ARHGAP28: variants seen among roughly 807,000 people sequenced by gnomAD.
ARHGAP28 encodes Rho GTPase activating protein 28, also known as rho GTPase-activating protein 28.
In ARHGAP28, 56 loss-of-function variants were observed where a neutral mutation model predicts 90.7. The observed-to-expected ratio is 0.62, with a 90% CI of 0.50 to 0.77. ARHGAP28 has a LOEUF of 0.77. ARHGAP28 is among the 30% of genes least tolerant of loss of function. ARHGAP28 has a pLI of 0.00. For missense variants in ARHGAP28, 869 were observed against 900.9 expected (o/e 0.96, Z 0.45); for synonymous variants, 308 against 323.3 (o/e 0.95, Z 0.51).
At chr18:6,851,668 A>G (rs1383583367) in intron 4 of ARHGAP28, among the ~76,000 whole-genome samples, 1 of 152,190 alleles carries the variant, frequency 6.6e-6, no homozygotes, top group Non-Finnish European at 1.5e-5. Flanking sequence ...TTGCAGGTAA[A>G]TGGATAAAAA....
At chr18:6,826,035 G>C (rs987820020) in intron 2 of ARHGAP28, among the ~76,000 whole-genome samples, 3 of 151,664 alleles carry the variant, frequency 2.0e-5, no homozygotes, top group African/African-American at 7.3e-5. Context: ...TCTCCAAGCT[G>C]CTTTCCACAG....
At chr18:6,821,464 T>A (rs189632381) in intron 1 of ARHGAP28, among the ~76,000 whole-genome samples, 1 of 152,292 alleles carries the variant, frequency 6.6e-6, no homozygotes, top group African/African-American at 2.4e-5. Context: ...TCTCCTAATA[T>A]GGTGAGGTAT....
intron 1 of ARHGAP28, among the ~76,000 whole-genome samples, chr18:6,795,675 C>G (rs2056436802): frequency 6.6e-6 from 1 of 152,158 alleles, no homozygotes; most frequent in Non-Finnish European, 1.5e-5. Context: ...TAGCCCGCAG[C>G]AGAAAGCCTG....
intron 10 of ARHGAP28, among the ~76,000 whole-genome samples, chr18:6,880,881 T>C (rs1185383673): frequency 1.3e-5 from 2 of 152,244 alleles, no homozygotes; most frequent in African/African-American, 2.4e-5. Flanking sequence ...AGAATGGATC[T>C]CATGCATCCT....
At chr18:6,780,586 A>G (rs1348361839) in intron 1 of ARHGAP28, among the ~76,000 whole-genome samples, 1 of 152,012 alleles carries the variant, frequency 6.6e-6, no homozygotes, top group Non-Finnish European at 1.5e-5. Flanking sequence ...ATGGAGGCTG[A>G]GAAAAAAAAT....
At chr18:6,826,958 A>G (rs1318109890) in intron 2 of ARHGAP28, among the ~76,000 whole-genome samples, 1 of 152,118 alleles carries the variant, frequency 6.6e-6, no homozygotes, top group Non-Finnish European at 1.5e-5. Context: ...AATCCATTTA[A>G]CCATGAGTGG....
intron 1 of ARHGAP28, among the ~76,000 whole-genome samples, chr18:6,812,394 C>T (rs979485532): frequency 6.6e-6 from 1 of 152,110 alleles, no homozygotes; most frequent in Non-Finnish European, 1.5e-5. Context: ...TGAATGAAAG[C>T]TCAACAGATT....
At chr18:6,886,724 G>A (rs570288764) in intron 11 of ARHGAP28, among the ~76,000 whole-genome samples, 7 of 152,270 alleles carry the variant, frequency 4.6e-5, no homozygotes, top group South Asian at 4.1e-4. Context: ...GTCACACAGC[G>A]ACTAAATAGT....
intron 3 of ARHGAP28, among the ~76,000 whole-genome samples, chr18:6,840,809 C>T (rs923751852): frequency 1.3e-5 from 2 of 152,076 alleles, no homozygotes; most frequent in South Asian, 4.1e-4. Context: ...TGGAAAATAG[C>T]GCAGTCAGTG....
At chr18:6,749,902 T>C (rs2056055291) in intron 1 of ARHGAP28, among the ~76,000 whole-genome samples, 1 of 152,172 alleles carries the variant, frequency 6.6e-6, no homozygotes, top group South Asian at 2.1e-4. Context: ...GCTTCAAAAA[T>C]ATACCCTCAG....
At chr18:6,744,980 T>G (rs564545700) in intron 1 of ARHGAP28, among the ~76,000 whole-genome samples, 1 of 152,006 alleles carries the variant, frequency 6.6e-6, no homozygotes, top group African/African-American at 2.4e-5. Context: ...TATATTTAAT[T>G]TAACTATGTT....
intron 10 of ARHGAP28, among the ~76,000 whole-genome samples, chr18:6,877,978 G>A (rs181180088): frequency 6.6e-6 from 1 of 151,924 alleles, no homozygotes; most frequent in Admixed American, 6.6e-5. Flanking sequence ...GTATGTGCAT[G>A]TGTGTGTGTG....
intron 6 of ARHGAP28, among the ~76,000 whole-genome samples, chr18:6,869,571 A>G (rs1040729149): frequency 9.9e-5 from 15 of 151,816 alleles, no homozygotes; most frequent in African/African-American, 3.6e-4. Context: ...TCCCTTTGCT[A>G]TTTTCTAAGT....
intron 5 of ARHGAP28, among the ~76,000 whole-genome samples, chr18:6,860,603 G>A (rs1355180250): frequency 2.0e-5 from 3 of 152,170 alleles, no homozygotes; most frequent in African/African-American, 7.2e-5. Context: ...CTCAGATGGA[G>A]GTGGCACATT....
intron 16 of ARHGAP28, among the ~76,000 whole-genome samples, chr18:6,906,248 G>A (rs2057364136): frequency 1.3e-5 from 2 of 152,038 alleles, no homozygotes; most frequent in Non-Finnish European, 2.9e-5. Context: ...ACACAAATAG[G>A]CCCATCTGAT....
At chr18:6,899,525 C>A (rs894117681) in intron 16 of ARHGAP28, among the ~76,000 whole-genome samples, 4 of 152,012 alleles carry the variant, frequency 2.6e-5, no homozygotes, top group Admixed American at 6.5e-5. Flanking sequence ...CCTACTCCAG[C>A]CAAACACCAA....
chr18:6,886,496 C>T (rs1187595804), intron 11 of ARHGAP28, among the ~76,000 whole-genome samples: 1 of 152,174 alleles, frequency 6.6e-6, no homozygotes, highest in Admixed American at 6.5e-5. Context: ...CAGTCATCAC[C>T]TTCCCTAAGT....
intron 14 of ARHGAP28, among the ~76,000 whole-genome samples, chr18:6,891,968 C>T (rs1600294057): frequency 6.6e-6 from 1 of 151,994 alleles, no homozygotes; most frequent in Non-Finnish European, 1.5e-5. Context: ...ACAGTAAATG[C>T]CAAGGCAGTG....
At chr18:6,910,397 TG>T (rs1379964801) in intron 17 of ARHGAP28, among the ~76,000 whole-genome samples, 1 of 152,170 alleles carries the variant, frequency 6.6e-6, no homozygotes, top group African/African-American at 2.4e-5. Flanking sequence ...TAAATACACC[TG>T]TATGTGGATG....
Sources: gnomAD v4.1 joint callset for allele counts (sites outside exome capture counted in the v4.1 genomes callset) on GRCh38, gnomAD v4.1.1 for gene constraint, MANE v1.5 for transcripts, NCBI Gene and HGNC (gene_info 2026-07-23, HGNC 2026-07-21) for gene names.